The following GALNT18 variants were observed in gnomAD, a reference collection of about 807,000 sequenced individuals.
The protein encoded by GALNT18 is GalNAc-transferase 18.
Under a neutral mutation model 69.5 loss-of-function variants are expected in GALNT18, and 44 were observed. The ratio of observed to expected loss-of-function variants is 0.63; its 90% CI spans 0.50 to 0.81. The LOEUF is 0.81. Among genes scored for constraint, GALNT18 ranks in the 40% least tolerant of loss-of-function variants. GALNT18 has a pLI of 0.00. For synonymous variants in GALNT18, 364 were observed against 318.2 expected (o/e 1.14, Z -1.53); for missense variants, 715 against 810.0 (o/e 0.88, Z 1.42).
At chr11:11,581,033 A>C (rs1241486438) in intron 1 of GALNT18, among the ~76,000 whole-genome samples, 1 of 152,232 alleles carries the variant, frequency 6.6e-6, no homozygotes, top group Non-Finnish European at 1.5e-5. Context: ...AGAGGGAGAC[A>C]GTGTGTGTTG....
In GALNT18 at chr11:11,439,860, A is replaced by G. The variant is rs140831771; in HGVS notation, c.429-7073T>C. Among the ~76,000 whole-genome samples, 14 of 152,356 alleles carry G rather than the reference A, an allele frequency of 9.2e-5. No homozygotes were observed. In the East Asian group the frequency reaches 2.7e-3, roughly 29 times the overall value. On this transcript the variant is annotated intron_variant, in intron 2 of 10. Coordinates refer to ENST00000227756, the MANE Select transcript of GALNT18 (RefSeq NM_198516.3). This position sits in a 1 kb window ranked among gnomAD's most constrained non-coding sequence, Gnocchi z 4.4. ...TGCAGCAATAAGACTAGATCATCCC[A>G]CAAGCCAAAGGGGTGAAGAACAGGA...
intron 3 of GALNT18, among the ~76,000 whole-genome samples, chr11:11,410,180 T>TC (rs1337934394): frequency 1.3e-5 from 2 of 152,178 alleles, no homozygotes; most frequent in Non-Finnish European, 2.9e-5. Flanking sequence ...GGCTCCTGTT[T>TC]CCCTGTGTCC....
chr11:11,332,217 A>T lies in GALNT18; in HGVS notation c.1416+477T>A, dbSNP rs1367917656. 6.6e-6 allele frequency among the ~76,000 whole-genome samples: 1 copy of T among 152,140 alleles called. No homozygotes were observed. Among genetic ancestry groups the T allele is most frequent in the Non-Finnish European group, 1.5e-5 (1 of 68,024 alleles). ...TTCTCTGTGCCCATCAACAAGCAGTACTAAAAATACAGCAAATAAAATAAA... is the reference window on the plus strand; with the variant it reads ...TTCTCTGTGCCCATCAACAAGCAGTTCTAAAAATACAGCAAATAAAATAAA... On this transcript the variant is annotated intron_variant, in intron 8 of 10. Coordinates refer to ENST00000227756, the MANE Select transcript of GALNT18 (RefSeq NM_198516.3). The surrounding 1 kb of genome is among the most constrained non-coding windows in gnomAD (Gnocchi z 4.3).
chr11:11,504,439 GA>G (rs11379207), intron 1 of GALNT18, among the ~76,000 whole-genome samples: 6 of 150,152 alleles, frequency 4.0e-5, no homozygotes, highest in Non-Finnish European at 8.9e-5. Flanking sequence ...TTATTGAAAA[GA>G]AAAAAAAAAC....
At chr11:11,484,024 C>A (rs1331286525) in intron 1 of GALNT18, among the ~76,000 whole-genome samples, 1 of 152,100 alleles carries the variant, frequency 6.6e-6, no homozygotes, top group Non-Finnish European at 1.5e-5. Flanking sequence ...GGACACAGCA[C>A]CTACTCTGTG....
chr11:11,377,670 G>GAAA lies in GALNT18; in HGVS notation c.780-294_780-292dup, dbSNP rs10700486. On this transcript the variant is annotated intron_variant, in intron 4 of 10. Coordinates refer to ENST00000227756, the MANE Select transcript of GALNT18 (RefSeq NM_198516.3). The surrounding 1 kb of genome is among the most constrained non-coding windows in gnomAD (Gnocchi z 4.6). ...CTGCTCGCTTTCCCTTTCTCCATTA[G>GAAA]AAAAAAAAAAAATCAAGACTCAAAA... Among the ~76,000 whole-genome samples, 27 of 146,482 alleles carry GAAA rather than the reference G, an allele frequency of 1.8e-4. No homozygotes were observed. Among genetic ancestry groups the GAAA allele is most frequent in the African/African-American group, 3.8e-4 (15 of 39,746 alleles).
chr11:11,359,856 T>C (rs979048920), intron 6 of GALNT18, among the ~76,000 whole-genome samples: 5 of 152,198 alleles, frequency 3.3e-5, no homozygotes, highest in African/African-American at 1.2e-4. Flanking sequence ...GGTTCTAATC[T>C]TGAGTGGTCC....
intron 3 of GALNT18, among the ~76,000 whole-genome samples, chr11:11,406,861 T>A (rs1854598627): frequency 6.6e-6 from 1 of 152,232 alleles, no homozygotes; most frequent in Admixed American, 6.5e-5. Flanking sequence ...CCCGCCCTTT[T>A]GGAAGAAAGC....
rs922062875 is a variant in GALNT18 at position 11,562,949 on chromosome 11, G to C, written c.235+58410C>G. On this transcript the variant is annotated intron_variant, in intron 1 of 10. Transcript: ENST00000227756. The surrounding 1 kb of genome is among the most constrained non-coding windows in gnomAD (Gnocchi z 4.1). ...CCCACAGCCCTCAAGTTCACAGATC[G>C]GAAGAGACTCCCAGGAACTACATGC... Among the ~76,000 whole-genome samples, 1 of 152,212 alleles carries C rather than the reference G, an allele frequency of 6.6e-6. No homozygotes were observed. The highest frequency in any genetic ancestry group is 6.5e-5 in the Admixed American group (1 of 15,282).
intron 1 of GALNT18, among the ~76,000 whole-genome samples, chr11:11,532,133 T>A (rs1224761285): frequency 1.3e-5 from 2 of 152,130 alleles, no homozygotes; most frequent in African/African-American, 2.4e-5. Context: ...AGCCTAGGTC[T>A]CTACCTGGCC....
At chr11:11,597,399 A>G (rs1859525022) in intron 1 of GALNT18, among the ~76,000 whole-genome samples, 2 of 152,324 alleles carry the variant, frequency 1.3e-5, no homozygotes, top group South Asian at 2.1e-4. Flanking sequence ...GAAGTTACCC[A>G]GTAAAGCCAT....
Position 11,278,079 on chromosome 11 carries a change from C to G in GALNT18, c.1678-6789G>C, listed in dbSNP as rs148532978. On this transcript the variant is annotated intron_variant, in intron 10 of 10. Transcript: ENST00000227756. ...CCTGTTAACCTTTTGCCTCGTTGAT[C>G]TGTCTAGTATTGACAGTAGGGTGTT... Among the ~76,000 whole-genome samples, 95 of 151,730 alleles carry G rather than the reference C, an allele frequency of 6.3e-4. 3 individuals carry two copies. In the East Asian group the frequency reaches 0.018, roughly 28 times the overall value.
At chr11:11,457,262 G>A (rs1251118666) in intron 1 of GALNT18, among the ~76,000 whole-genome samples, 1 of 152,216 alleles carries the variant, frequency 6.6e-6, no homozygotes, top group African/African-American at 2.4e-5. Flanking sequence ...TTGTAATGCT[G>A]CCCAGCCCTG....
chr11:11,325,503 C>CT (rs1308544018), intron 9 of GALNT18, among the ~76,000 whole-genome samples: 1 of 151,842 alleles, frequency 6.6e-6, no homozygotes, highest in Non-Finnish European at 1.5e-5. Context: ...CCACCTGAAT[C>CT]TCAAAAACCA....
chr11:11,334,451 G>C (rs554725711), intron 7 of GALNT18, among the ~76,000 whole-genome samples: 1 of 151,784 alleles, frequency 6.6e-6, no homozygotes, highest in South Asian at 2.1e-4. Flanking sequence ...GCTGAGGCAG[G>C]AGAATGGTGT....
chr11:11,410,494 C>G (rs531267651), intron 3 of GALNT18, among the ~76,000 whole-genome samples: 1 of 152,132 alleles, frequency 6.6e-6, no homozygotes. Flanking sequence ...ATAATAAAGA[C>G]AGCAAATGAA....
chr11:11,437,601 C>T (rs1009055108), intron 2 of GALNT18, among the ~76,000 whole-genome samples: 13 of 152,116 alleles, frequency 8.5e-5, no homozygotes, highest in South Asian at 4.1e-4. Context: ...GCCCAGTTCT[C>T]GGCCACCAGA....
At chr11:11,303,055 A>G (rs1849524462) in intron 9 of GALNT18, among the ~76,000 whole-genome samples, 1 of 152,188 alleles carries the variant, frequency 6.6e-6, no homozygotes, top group South Asian at 2.1e-4. Context: ...GCTATAGCAG[A>G]TACTGTTAGT....
intron 7 of GALNT18, among the ~76,000 whole-genome samples, chr11:11,333,517 T>C (rs1850055325): frequency 6.6e-6 from 1 of 152,138 alleles, no homozygotes; most frequent in African/African-American, 2.4e-5. Context: ...GGAGCTGAGA[T>C]TTGAACCCAA....
Sources: gnomAD v4.1 joint callset for allele counts (sites outside exome capture counted in the v4.1 genomes callset) on GRCh38, gnomAD v4.1.1 for gene constraint, Gnocchi (gnomAD v3.1) non-coding constraint, MANE v1.5 for transcripts, NCBI Gene and HGNC (gene_info 2026-07-23, HGNC 2026-07-21) for gene names.